EHMT1: variants seen among roughly 807,000 people sequenced by gnomAD.
The protein encoded by EHMT1 is histone-lysine N-methyltransferase EHMT1.
Under a neutral mutation model 147.2 loss-of-function variants are expected in EHMT1, and 15 were observed. The observed-to-expected ratio is 0.10, with a 90% CI of 0.07 to 0.16. The LOEUF (loss-of-function observed/expected upper bound fraction) is 0.16, where lower values mean the gene tolerates loss of function less well. EHMT1 is among the 10% of genes least tolerant of loss of function. The probability of loss-of-function intolerance (pLI) is 1.00; values close to 1 mark genes in which losing one functional copy is unlikely to be tolerated. For missense variants in EHMT1, 1,587 were observed against 1,772.4 expected, an observed-to-expected ratio of 0.90 and a Z score of 1.88; for synonymous variants, 795 against 709.6, an observed-to-expected ratio of 1.12 and a Z score of -1.91.
chr9:137,802,747 G>A (rs1210049823), intron 18 of EHMT1: 1 of 1,161,602 alleles, frequency 8.6e-7, no homozygotes, highest in African/African-American at 1.6e-5. Context: ...CCTCTCTGGA[G>A]TGACTGGTCC....
chr9:137,814,874 G>A (rs1255096351), intron 22 of EHMT1: 1 of 420,200 alleles, frequency 2.4e-6, no homozygotes, highest in Non-Finnish European at 4.5e-6. Flanking sequence ...AAGAGGGAGG[G>A]TGCTGCCGGG....
chr9:137,752,067 T>C (rs569672799), intron 6 of EHMT1, among the ~76,000 whole-genome samples: 130 of 152,360 alleles, frequency 8.5e-4, no homozygotes, highest in African/African-American at 3.0e-3. Context: ...GCAGCCACTC[T>C]CTGGTCCCGA....
chr9:137,621,931 C>G (rs1431029477), intron 1 of EHMT1, among the ~76,000 whole-genome samples: 2 of 151,084 alleles, frequency 1.3e-5, no homozygotes, highest in African/African-American at 4.9e-5. Context: ...CTGTTCTCAT[C>G]TCCTGTCTTT....
chr9:137,774,307 T>C (rs58584363), intron 10 of EHMT1, among the ~76,000 whole-genome samples: 8,449 of 152,230 alleles, frequency 0.056, 757 homozygotes, highest in African/African-American at 0.19. Context: ...TGTGGGCACA[T>C]GTGGCCCACT....
At chr9:137,788,446 T>G in intron 15 of EHMT1, 1 of 190,410 alleles carries the variant, frequency 5.3e-6, no homozygotes, top group Non-Finnish European at 1.1e-5. Flanking sequence ...GAAAGGAGGT[T>G]GCAGGCGTAC....
intron 18 of EHMT1, among the ~76,000 whole-genome samples, chr9:137,808,529 G>GT (rs1161056414): frequency 1.3e-5 from 2 of 152,152 alleles, no homozygotes; most frequent in African/African-American, 4.8e-5. Context: ...TCACCCCATT[G>GT]TTTCAGGAGT....
intron 3 of EHMT1, among the ~76,000 whole-genome samples, chr9:137,720,464 C>G (rs900303861): frequency 6.6e-6 from 1 of 151,978 alleles, no homozygotes; most frequent in Admixed American, 6.6e-5. Context: ...CCACCCTGCC[C>G]GGCTGATTTT....
At chr9:137,833,337 C>T (rs1237722773) in intron 25 of EHMT1, among the ~76,000 whole-genome samples, 3 of 152,258 alleles carry the variant, frequency 2.0e-5, no homozygotes, top group Non-Finnish European at 4.4e-5. Context: ...ACCACGCCAC[C>T]CACCCGCAGC....
rs368414719 is a variant in EHMT1 at position 137,813,042 on chromosome 9, G to A, written c.2904G>A (p.Lys968=). The A allele has an allele frequency of 6.2e-7, 1 of 1,614,028 alleles. No individual in the cohort carries two copies. The highest frequency in any genetic ancestry group is 1.3e-5 in the African/African-American group (1 of 75,052). Residue 968 remains lysine (K), a synonymous_variant, in exon 20 of 27, where the codon AAG becomes AAA. Coordinates refer to ENST00000460843, the MANE Select transcript of EHMT1 (RefSeq NM_024757.5). The surrounding 1 kb of genome is among the most constrained non-coding windows in gnomAD (Gnocchi z 4.9). ...FLSRDSDVTL[K]NKEGETPLQC... ...CTCGGGATTCAGATGTCACCTTAAA[G>A]AACAAGGAAGGAGAGACGCCCCTGC...
At chr9:137,695,189 C>T (rs566081563) in intron 1 of EHMT1, among the ~76,000 whole-genome samples, 2 of 152,346 alleles carry the variant, frequency 1.3e-5, no homozygotes, top group East Asian at 3.9e-4. Flanking sequence ...CGTGTTTCTT[C>T]TGTAAGGAGC....
Position 137,828,697 on chromosome 9 carries a change from A to G in EHMT1, c.3541-5652A>G, listed in dbSNP as rs1955989476. ...CAGGGTGGGAGGAGGGTTATTTTTA[A>G]CGCACTGCACTAGAGCATCTCTAAG... On this transcript the variant is annotated intron_variant, in intron 25 of 26. Coordinates refer to ENST00000460843, the MANE Select transcript of EHMT1 (RefSeq NM_024757.5). This position sits in a 1 kb window ranked among gnomAD's most constrained non-coding sequence, Gnocchi z 5.3. Among the ~76,000 whole-genome samples the G allele has an allele frequency of 6.6e-6, 1 of 152,136 alleles. No homozygotes were observed. Among genetic ancestry groups the G allele is most frequent in the South Asian group, 2.1e-4 (1 of 4,828 alleles).
rs771008081 is a variant in EHMT1, at chr9:137,621,640, G to C, written c.21+2591G>C. ...GAAAAAAAAAAGAAAAAAAACTACT[G>C]AGGTAGTTGAATATATCCTCCATTC... On this transcript the variant is annotated intron_variant, in intron 1 of 26. Transcript: ENST00000460843. Among the ~76,000 whole-genome samples the C allele has an allele frequency of 8.5e-5, 13 of 152,206 alleles. 1 individual carries two copies. Among genetic ancestry groups the C allele is most frequent in the Non-Finnish European group, 1.9e-4 (13 of 68,010 alleles).
At chr9:137,750,821 G>A (rs1362696274) in intron 6 of EHMT1, among the ~76,000 whole-genome samples, 1 of 152,252 alleles carries the variant, frequency 6.6e-6, no homozygotes, top group African/African-American at 2.4e-5. Flanking sequence ...TTAATGAGTG[G>A]GACAGGGAGC....
At chr9:137,752,218 G>A in intron 6 of EHMT1, 113 bp from the exon 7 acceptor site, 1 of 1,286,290 alleles carries the variant, frequency 7.8e-7, no homozygotes. Context: ...TCTCCGGCGT[G>A]TGCGGCCAGT....
At chr9:137,754,045 T>C in intron 7 of EHMT1, 126 bp from the exon 8 acceptor site, 18 of 1,508,372 alleles carry the variant, frequency 1.2e-5, no homozygotes, top group Non-Finnish European at 1.7e-5. Context: ...CAAGTTAAGT[T>C]CACCGTTTAA....
At chr9:137,627,605 G>A (rs1044815700) in intron 1 of EHMT1, among the ~76,000 whole-genome samples, 2 of 152,138 alleles carry the variant, frequency 1.3e-5, no homozygotes, top group Admixed American at 6.5e-5. Context: ...GATGACAGGC[G>A]TGAGCCGCCG....
intron 22 of EHMT1, chr9:137,814,836 C>T (rs1425441096): frequency 2.0e-6 from 1 of 493,820 alleles, no homozygotes; most frequent in Non-Finnish European, 3.7e-6. Flanking sequence ...TAAGCTGTGC[C>T]TTGTGCTTGC....
chr9:137,696,657 T>A (rs1268023695), intron 1 of EHMT1, among the ~76,000 whole-genome samples: 1 of 152,178 alleles, frequency 6.6e-6, no homozygotes, highest in Non-Finnish European at 1.5e-5. Context: ...AACATCAAGT[T>A]CAACTGTAGA....
At chr9:137,651,327 T>C (rs1030057163) in intron 1 of EHMT1, among the ~76,000 whole-genome samples, 1 of 152,250 alleles carries the variant, frequency 6.6e-6, no homozygotes, top group South Asian at 2.1e-4. Context: ...GAAACACTTT[T>C]GAAATTCAAG....
Sources: gnomAD v4.1 joint callset for allele counts (sites outside exome capture counted in the v4.1 genomes callset) on GRCh38, gnomAD v4.1.1 for gene constraint, Gnocchi (gnomAD v3.1) non-coding constraint, MANE v1.5 for transcripts, NCBI Gene and HGNC (gene_info 2026-07-23, HGNC 2026-07-21) for gene names.